Variants in FRAS1 observed in about 807,000 individuals in gnomAD.
FRAS1 encodes extracellular matrix organizing protein FRAS1.
Under a neutral mutation model 435.2 loss-of-function variants are expected in FRAS1, and 290 were observed. That is an observed-to-expected ratio of 0.67 (90% CI 0.61 to 0.73). FRAS1 has a LOEUF of 0.73. Ranked by LOEUF, FRAS1 falls within the 30% of genes least tolerant of loss-of-function variation. The pLI is 0.00. For missense variants in FRAS1, 4,860 were observed against 5,001.5 expected, an observed-to-expected ratio of 0.97 and a Z score of 0.85; for synonymous variants, 1,800 against 1,851.0, an observed-to-expected ratio of 0.97 and a Z score of 0.71.
intron 16 of FRAS1, among the ~76,000 whole-genome samples, chr4:78,316,940 A>G (rs1389388858): frequency 2.0e-5 from 3 of 152,088 alleles, no homozygotes; most frequent in Non-Finnish European, 4.4e-5. Context: ...TAATTCATTT[A>G]GGCAGTGTGA....
chr4:78,334,470 A>G (rs532069600), intron 19 of FRAS1, among the ~76,000 whole-genome samples: 1 of 142,702 alleles, frequency 7.0e-6, no homozygotes, highest in Non-Finnish European at 1.5e-5. Flanking sequence ...TCCCAGGTTC[A>G]AGCAATTCTT....
At chr4:78,390,189 C>G (rs1442517585) in intron 29 of FRAS1, among the ~76,000 whole-genome samples, 2 of 152,036 alleles carry the variant, frequency 1.3e-5, no homozygotes. Context: ...TTTACAATGT[C>G]TTGGGGAAGA....
intron 2 of FRAS1, among the ~76,000 whole-genome samples, chr4:78,113,417 T>C (rs989384627): frequency 3.3e-5 from 5 of 152,182 alleles, no homozygotes; most frequent in Non-Finnish European, 7.4e-5. Context: ...ACTTCCACAA[T>C]GGTTGAACTA....
intron 26 of FRAS1, 75 bp from the exon 27 acceptor site, chr4:78,379,651 A>G: frequency 1.4e-6 from 2 of 1,445,954 alleles, no homozygotes; most frequent in East Asian, 2.3e-5. Flanking sequence ...CTGAAAAAAT[A>G]AACAAAATAA....
At chr4:78,332,445 T>C (rs971528115) in intron 18 of FRAS1, among the ~76,000 whole-genome samples, 1 of 152,222 alleles carries the variant, frequency 6.6e-6, no homozygotes, top group African/African-American at 2.4e-5. Flanking sequence ...GTTTTCTTTC[T>C]CTTTGCCTTT....
chr4:78,516,435 G>GT (rs1289611317), intron 66 of FRAS1, among the ~76,000 whole-genome samples: 1 of 152,204 alleles, frequency 6.6e-6, no homozygotes, highest in Non-Finnish European at 1.5e-5. Flanking sequence ...GAAGAGCTCT[G>GT]TTGTCCTATG....
chr4:78,113,556 A>G (rs1202946326), intron 2 of FRAS1, among the ~76,000 whole-genome samples: 2 of 152,010 alleles, frequency 1.3e-5, no homozygotes, highest in African/African-American at 2.4e-5. Flanking sequence ...TGTGGTTTTG[A>G]TTTGCATTTC....
intron 2 of FRAS1, among the ~76,000 whole-genome samples, chr4:78,230,778 G>T (rs1465291926): frequency 6.6e-6 from 1 of 152,140 alleles, no homozygotes; most frequent in Non-Finnish European, 1.5e-5. Context: ...GTACAAGAAG[G>T]TTTGGGGATA....
At chr4:78,339,120 C>CT (rs1730301724) in intron 20 of FRAS1, among the ~76,000 whole-genome samples, 4 of 152,156 alleles carry the variant, frequency 2.6e-5, no homozygotes, top group African/African-American at 4.8e-5. Flanking sequence ...TAGTCGTAGT[C>CT]AGGACTGTCT....
chr4:78,300,260 G>T (rs2110205852), intron 14 of FRAS1, among the ~76,000 whole-genome samples: 1 of 152,230 alleles, frequency 6.6e-6, no homozygotes. Flanking sequence ...CTTATCCAAA[G>T]CTTAAGGGTA....
chr4:78,489,801 G>A lies in FRAS1; in HGVS notation c.8958+721G>A, dbSNP rs1308126031. 2.6e-5 allele frequency among the ~76,000 whole-genome samples: 4 copies of A among 151,886 alleles called. No individual in the cohort carries two copies. The East Asian group carries it at 7.7e-4, about 29-fold the overall frequency. On this transcript the variant is annotated intron_variant, in intron 59 of 73. Coordinates refer to ENST00000512123, the MANE Select transcript of FRAS1 (RefSeq NM_025074.7). Reference sequence around the variant, plus strand: ...TCCACTGTTACTTTGAGAGCAGGAGGCAGCCGTCTAATACCTGCACCCCTG... The same window carrying A: ...TCCACTGTTACTTTGAGAGCAGGAGACAGCCGTCTAATACCTGCACCCCTG...
intron 70 of FRAS1, among the ~76,000 whole-genome samples, chr4:78,532,713 C>CA (rs1721754363): frequency 6.6e-6 from 1 of 152,172 alleles, no homozygotes; most frequent in Admixed American, 6.5e-5. Flanking sequence ...TTTATGATTC[C>CA]ATATATAAGT....
intron 11 of FRAS1, among the ~76,000 whole-genome samples, chr4:78,281,771 A>C (rs1292862112): frequency 6.6e-6 from 1 of 152,194 alleles, no homozygotes; most frequent in African/African-American, 2.4e-5. Context: ...TATGTACTGC[A>C]AAGTGCTGAA....
rs1727393746 is a variant in FRAS1, at chr4:78,282,817, T to C, written c.1108-3T>C. Reference sequence around the variant, plus strand: ...CAATGCTGTTCTTCACTTTTTTGCGTAGGAGGGAGAGAAGTGGGAAGATGG... The same window carrying C: ...CAATGCTGTTCTTCACTTTTTTGCGCAGGAGGGAGAGAAGTGGGAAGATGG... On this transcript the variant is annotated splice_region_variant and splice_polypyrimidine_tract_variant and intron_variant, in intron 11 of 73. Coordinates refer to ENST00000512123, the MANE Select transcript of FRAS1 (RefSeq NM_025074.7). 1.2e-6 allele frequency: 2 copies of C among 1,613,248 alleles called. No homozygotes were observed. The highest frequency in any genetic ancestry group is 2.2e-5 in the South Asian group (2 of 90,948).
intron 29 of FRAS1, among the ~76,000 whole-genome samples, chr4:78,391,738 A>G (rs142900113): frequency 1.3e-5 from 2 of 152,082 alleles, no homozygotes; most frequent in African/African-American, 2.4e-5. Context: ...GGAAAATTCT[A>G]TTGCTGAGAG....
chr4:78,281,762 A>C (rs1036451925), intron 11 of FRAS1, among the ~76,000 whole-genome samples: 1 of 152,124 alleles, frequency 6.6e-6, no homozygotes, highest in Non-Finnish European at 1.5e-5. Context: ...GTAGAGTTTT[A>C]TGTACTGCAA....
At chr4:78,232,916 T>C (rs1170187364) in intron 2 of FRAS1, among the ~76,000 whole-genome samples, 3 of 152,218 alleles carry the variant, frequency 2.0e-5, no homozygotes, top group Non-Finnish European at 2.9e-5. Context: ...GGAAGACAGA[T>C]AGGTAAACAT....
Position 78,479,505 on chromosome 4 carries a change from T to C in FRAS1, c.8230T>C (p.Phe2744Leu). The C allele has an allele frequency of 6.2e-7, 1 of 1,613,480 alleles. No homozygotes were observed. Among genetic ancestry groups the C allele is most frequent in the Non-Finnish European group, 8.5e-7 (1 of 1,179,510 alleles). The change falls in exon 56 of 74, where the codon TTC becomes CTC. Residue 2744 changes from phenylalanine to leucine, a missense_variant. Physicochemically the swap from Phe to Leu is conservative, Grantham distance 22 (BLOSUM62 0). Transcript: ENST00000512123. The part of the protein sequence containing the change: ...RGMSAASRVI[F>L]GPGVTMSTCD... ...GATGTCTGCCGCGAGTCGTGTGATA[T>C]TCGGGCCTGGTGTGACCATGTCCAC... is the stretch of plus-strand genomic sequence containing the variant.
chr4:78,332,794 A>T (rs1019365778), intron 18 of FRAS1, among the ~76,000 whole-genome samples: 4 of 152,194 alleles, frequency 2.6e-5, no homozygotes, highest in African/African-American at 9.7e-5. Flanking sequence ...ATGTTGGGCA[A>T]TTCTCATCTG....
Sources: allele counts gnomAD v4.1 joint callset (sites outside exome capture counted in the v4.1 genomes callset), GRCh38; gene constraint gnomAD v4.1.1; transcripts MANE v1.5; gene names NCBI Gene and HGNC (gene_info 2026-07-23, HGNC 2026-07-21).